The following SEC24B variants were observed in gnomAD, a reference collection of about 807,000 sequenced individuals.
SEC24B encodes the protein SEC24 homolog B, COPII component, also known as protein transport protein Sec24B.
A neutral mutation model predicts 142.8 loss-of-function variants in SEC24B; 45 were observed. The observed-to-expected ratio is 0.32, with a 90% CI of 0.25 to 0.40. The LOEUF (loss-of-function observed/expected upper bound fraction) is 0.40, where lower values mean the gene tolerates loss of function less well. SEC24B is among the 10% of genes least tolerant of loss of function. The pLI is 1.00. For synonymous variants in SEC24B, 574 were observed against 568.2 expected, an observed-to-expected ratio of 1.01 and a Z score of -0.15; for missense variants, 1,409 against 1,526.8, an observed-to-expected ratio of 0.92 and a Z score of 1.29.
chr4:109,462,858 T>TA, intron 1 of SEC24B, 43 bp from the exon 2 acceptor site: 1 of 1,425,826 alleles, frequency 7.0e-7, no homozygotes, highest in Non-Finnish European at 9.5e-7. Flanking sequence ...TTTTAAAAAT[T>TA]AGTTATCTCT....
intron 18 of SEC24B, among the ~76,000 whole-genome samples, chr4:109,529,370 GAATT>G (rs990879875): frequency 6.6e-6 from 1 of 151,952 alleles, no homozygotes; most frequent in Admixed American, 6.6e-5. Flanking sequence ...TATAGATTTT[GAATT>G]AATTATGCCA....
At chr4:109,510,848 G>A (rs965493695) in intron 8 of SEC24B, among the ~76,000 whole-genome samples, 1 of 151,910 alleles carries the variant, frequency 6.6e-6, no homozygotes, top group Non-Finnish European at 1.5e-5. Flanking sequence ...CTGGTTCTGA[G>A]TTTTCTTTTG....
chr4:109,438,641 CTTTGATG>C (rs1203486721), intron 1 of SEC24B, among the ~76,000 whole-genome samples: 1 of 152,086 alleles, frequency 6.6e-6, no homozygotes, highest in Non-Finnish European at 1.5e-5. Flanking sequence ...TTTTTAGAAA[CTTTGATG>C]TTTGAGAAGA....
At chr4:109,531,804 A>AGTG (rs1272945259) in intron 20 of SEC24B, among the ~76,000 whole-genome samples, 1 of 152,160 alleles carries the variant, frequency 6.6e-6, no homozygotes, top group African/African-American at 2.4e-5. Flanking sequence ...TAAGTTGTAG[A>AGTG]GTGGACATTT....
At chr4:109,518,040 T>A (rs1723163181) in intron 11 of SEC24B, among the ~76,000 whole-genome samples, 1 of 152,096 alleles carries the variant, frequency 6.6e-6, no homozygotes, top group African/African-American at 2.4e-5. Context: ...CGATCTCAGC[T>A]CACTGCAACT....
At chr4:109,449,414 TAGAGAC>T in intron 1 of SEC24B, 1 of 359,796 alleles carries the variant, frequency 2.8e-6, no homozygotes, top group South Asian at 2.0e-5. Flanking sequence ...TTTTTTTTTG[TAGAGAC>T]GGGATTTCAC....
At chr4:109,510,341 A>G (rs147845537) in intron 8 of SEC24B, among the ~76,000 whole-genome samples, 4 of 152,230 alleles carry the variant, frequency 2.6e-5, no homozygotes, top group South Asian at 4.1e-4. Flanking sequence ...GCCTCCAAAA[A>G]GTTCTTATCT....
intron 5 of SEC24B, among the ~76,000 whole-genome samples, chr4:109,493,012 A>G (rs1308313776): frequency 6.6e-6 from 1 of 151,526 alleles, no homozygotes; most frequent in Non-Finnish European, 1.5e-5. Context: ...GAGCCTTTGC[A>G]CCCAGCGCCA....
intron 4 of SEC24B, among the ~76,000 whole-genome samples, chr4:109,489,831 C>T (rs1734827130): frequency 6.6e-6 from 1 of 151,366 alleles, no homozygotes; most frequent in South Asian, 2.1e-4. Context: ...TTTGTTTATC[C>T]ATTCATCTGT....
Position 109,481,672 on chromosome 4 carries a change from T to C in SEC24B, c.1061-5T>C, listed in dbSNP as rs749193495. The C allele has an allele frequency of 5.6e-6, 9 of 1,599,780 alleles. No individual in the cohort carries two copies. The highest frequency in any genetic ancestry group is 2.7e-5 in the African/African-American group (2 of 74,600). ...ACTCTTATGTTTGTGCTTTCCACTT[T>C]ACAGGCGTGCAGTATGGTGAATATG... On this transcript the variant is annotated splice_polypyrimidine_tract_variant and splice_region_variant and intron_variant, in intron 3 of 23. Transcript: ENST00000265175.
rs116908529 is a variant in SEC24B, at chr4:109,537,373, G to A, written c.3589-1120G>A. On this transcript the variant is annotated intron_variant, in intron 22 of 23. Coordinates refer to ENST00000265175, the MANE Select transcript of SEC24B (RefSeq NM_006323.5). ...GTGAAAATCATGTTCTTTATGACAC[G>A]GTAAATTATTCTGCAAAGAATGTGT... 5.3e-3 allele frequency among the ~76,000 whole-genome samples: 805 copies of A among 152,258 alleles called. 36 individuals are homozygous for A. The South Asian group carries it at 0.079, about 15-fold the overall frequency.
chr4:109,466,282 A>G (rs1008741919), intron 2 of SEC24B, among the ~76,000 whole-genome samples: 14 of 152,180 alleles, frequency 9.2e-5, no homozygotes, highest in Non-Finnish European at 1.0e-4. Flanking sequence ...AGTACCTTGT[A>G]CTAGGTACAG....
chr4:109,482,979 T>TATATACACACACACACACACACACAC (rs781527364), intron 4 of SEC24B, among the ~76,000 whole-genome samples: 1 of 26,406 alleles, frequency 3.8e-5, no homozygotes, highest in African/African-American at 1.2e-4. Context: ...TATATATATA[T>TATATACACACACACACACACACACAC]ACACACACAC....
chr4:109,522,056 TG>T (rs1723680814), intron 14 of SEC24B, among the ~76,000 whole-genome samples: 2 of 142,976 alleles, frequency 1.4e-5, no homozygotes, highest in South Asian at 2.3e-4. Flanking sequence ...GTTTTGTTTT[TG>T]TTTTTTTTTT....
chr4:109,473,791 T>C (rs942824155), intron 3 of SEC24B, among the ~76,000 whole-genome samples: 1 of 152,234 alleles, frequency 6.6e-6, no homozygotes, highest in Non-Finnish European at 1.5e-5. Context: ...TGTTTTTGTT[T>C]TTGTTTTTCC....
At chr4:109,457,476 G>T (rs911391944) in intron 1 of SEC24B, among the ~76,000 whole-genome samples, 1 of 152,212 alleles carries the variant, frequency 6.6e-6, no homozygotes, top group Non-Finnish European at 1.5e-5. Flanking sequence ...AAAACATCAC[G>T]TGGCAGAAGG....
chr4:109,507,278 CTTTT>C (rs34809833), intron 7 of SEC24B, among the ~76,000 whole-genome samples: 7 of 139,356 alleles, frequency 5.0e-5, no homozygotes, highest in African/African-American at 5.3e-5. Flanking sequence ...CATTGTCTTC[CTTTT>C]TTTTTTTTTT....
chr4:109,461,709 G>A (rs1342145605), intron 1 of SEC24B, among the ~76,000 whole-genome samples: 1 of 152,170 alleles, frequency 6.6e-6, no homozygotes, highest in African/African-American at 2.4e-5. Flanking sequence ...TGGGAAATAG[G>A]ATATAAGCTA....
intron 6 of SEC24B, among the ~76,000 whole-genome samples, chr4:109,500,544 TAAA>T (rs749051623): frequency 5.9e-5 from 6 of 101,134 alleles, no homozygotes; most frequent in Non-Finnish European, 8.1e-5. Flanking sequence ...GACTCCATCT[TAAA>T]AAAAAAAAAA....
Sources: gnomAD v4.1 joint callset for allele counts (sites outside exome capture counted in the v4.1 genomes callset) on GRCh38, gnomAD v4.1.1 for gene constraint, MANE v1.5 for transcripts, NCBI Gene and HGNC (gene_info 2026-07-23, HGNC 2026-07-21) for gene names.